Variants in CACNA2D3 observed in about 807,000 individuals in gnomAD.
CACNA2D3 encodes the protein calcium voltage-gated channel auxiliary subunit alpha2delta 3, also known as voltage-dependent calcium channel subunit alpha-2/delta-3.
In CACNA2D3, 60 loss-of-function variants were observed where a neutral mutation model predicts 160.6. The ratio of observed to expected loss-of-function variants is 0.37; its 90% CI spans 0.30 to 0.46. The LOEUF is 0.46. Among genes scored for constraint, CACNA2D3 ranks in the 20% least tolerant of loss-of-function variants. The pLI is 1.00. For missense variants in CACNA2D3, 1,205 were observed against 1,365.0 expected, an observed-to-expected ratio of 0.88 and a Z score of 1.85; for synonymous variants, 558 against 492.9, an observed-to-expected ratio of 1.13 and a Z score of -1.75.
intron 11 of CACNA2D3, among the ~76,000 whole-genome samples, chr3:54,687,475 T>A (rs1700488845): frequency 6.6e-6 from 1 of 151,922 alleles, no homozygotes. Context: ...TTGGGACAAA[T>A]TTTTCTAAGT....
At chr3:54,416,393 C>A (rs1476278548) in intron 4 of CACNA2D3, among the ~76,000 whole-genome samples, 1 of 151,986 alleles carries the variant, frequency 6.6e-6, no homozygotes, top group Non-Finnish European at 1.5e-5. Flanking sequence ...TCTCCTCCAG[C>A]AAAATATAAG....
chr3:54,814,083 G>A (rs142358205), intron 13 of CACNA2D3, among the ~76,000 whole-genome samples: 3,752 of 151,798 alleles, frequency 0.025, 76 homozygotes, highest in Non-Finnish European at 0.041. Context: ...TGCCCAGGCT[G>A]GTCTCAAACT....
At chr3:54,626,566 T>C in intron 9 of CACNA2D3, 1 of 1,583,176 alleles carries the variant, frequency 6.3e-7, no homozygotes, top group Admixed American at 1.7e-5. Flanking sequence ...CCTGGGCGAG[T>C]TCTCCATCAC....
intron 11 of CACNA2D3, among the ~76,000 whole-genome samples, chr3:54,748,367 TAATCGGTTTTTTGAAAAAATCTG>T (rs2107060033): frequency 6.6e-6 from 1 of 152,334 alleles, no homozygotes; most frequent in Non-Finnish European, 1.5e-5. Context: ...GTAAAAAGCA[TAATCGGTTTTTTGAAAAAATCTG>T]GATGAGTTTT....
At chr3:54,708,242 A>C (rs564298099) in intron 11 of CACNA2D3, among the ~76,000 whole-genome samples, 2 of 152,346 alleles carry the variant, frequency 1.3e-5, no homozygotes, top group South Asian at 4.1e-4. Flanking sequence ...ATCTCTGAGA[A>C]TGAGAAGTAG....
intron 13 of CACNA2D3, among the ~76,000 whole-genome samples, chr3:54,804,325 GAC>G (rs1559587958): frequency 1.2e-4 from 18 of 151,910 alleles, no homozygotes. Context: ...CACATGCAGA[GAC>G]ACACATAGGC....
intron 27 of CACNA2D3, among the ~76,000 whole-genome samples, chr3:54,963,799 T>C (rs1356052716): frequency 6.6e-6 from 1 of 152,100 alleles, no homozygotes; most frequent in Non-Finnish European, 1.5e-5. Flanking sequence ...TCAATACACC[T>C]ATCACCCAGC....
chr3:54,608,201 G>A (rs56247223), intron 9 of CACNA2D3, among the ~76,000 whole-genome samples: 37,127 of 152,106 alleles, frequency 0.24, 4,871 homozygotes, highest in African/African-American at 0.31. Context: ...GGTTAACAGT[G>A]TTATACCACT....
intron 11 of CACNA2D3, among the ~76,000 whole-genome samples, chr3:54,664,028 T>C (rs1195040589): frequency 6.6e-6 from 1 of 152,224 alleles, no homozygotes; most frequent in Non-Finnish European, 1.5e-5. Context: ...CCAGAGTCCC[T>C]CAAAGCAAGT....
intron 11 of CACNA2D3, among the ~76,000 whole-genome samples, chr3:54,677,451 A>C (rs1433127512): frequency 6.6e-6 from 1 of 152,198 alleles, no homozygotes. Flanking sequence ...TAAAAAGAAC[A>C]GGCCTCTATT....
chr3:54,560,213 G>T (rs368344167), intron 5 of CACNA2D3, among the ~76,000 whole-genome samples: 9 of 152,204 alleles, frequency 5.9e-5, no homozygotes, highest in African/African-American at 2.2e-4. Context: ...CAGTGTAAAA[G>T]TGTTCCTTTT....
chr3:54,591,503 A>C (rs2106756162), intron 9 of CACNA2D3, among the ~76,000 whole-genome samples: 1 of 151,924 alleles, frequency 6.6e-6, no homozygotes, highest in African/African-American at 2.4e-5. Context: ...GTTCCATAGA[A>C]GCATGAATGA....
At chr3:54,734,364 CA>C (rs1480545078) in intron 11 of CACNA2D3, among the ~76,000 whole-genome samples, 6 of 152,192 alleles carry the variant, frequency 3.9e-5, no homozygotes, top group Non-Finnish European at 8.8e-5. Flanking sequence ...GGGCCTCACA[CA>C]AGGGTAGAGC....
intron 4 of CACNA2D3, among the ~76,000 whole-genome samples, chr3:54,435,767 A>G (rs972220514): frequency 9.9e-5 from 15 of 152,258 alleles, no homozygotes; most frequent in Admixed American, 7.2e-4. Context: ...AATGAATCAG[A>G]TGTTGGAATT....
At chr3:54,495,333 A>G (rs1021556066) in intron 4 of CACNA2D3, among the ~76,000 whole-genome samples, 34 of 152,214 alleles carry the variant, frequency 2.2e-4, no homozygotes, top group Non-Finnish European at 4.4e-4. Context: ...AAAGGTCTTT[A>G]GTGACTTTAA....
intron 3 of CACNA2D3, among the ~76,000 whole-genome samples, chr3:54,368,693 CTTTTTTTTTT>C (rs33976949): frequency 8.4e-5 from 6 of 71,504 alleles, no homozygotes; most frequent in South Asian, 7.0e-4. Context: ...GGGTAGGGTT[CTTTTTTTTTT>C]TTTTTTTTTT....
chr3:55,074,374 G>A lies in CACNA2D3; in HGVS notation c.*168G>A, dbSNP rs980678455. The A allele has an allele frequency of 1.0e-5, 6 of 595,140 alleles. No homozygotes were observed. The highest frequency in any genetic ancestry group is 1.8e-5 in the Non-Finnish European group (6 of 335,686). 36.9% of individuals were successfully genotyped at this position (595,140 alleles called of 1,614,324 possible). A position where few individuals can be genotyped will look rare whatever the true frequency, so the allele number is the denominator to read the frequency against. On this transcript the variant is annotated 3_prime_UTR_variant, in exon 38 of 38. Coordinates refer to ENST00000474759, the MANE Select transcript of CACNA2D3 (RefSeq NM_018398.3). ...GCGTGATATAAACTCTTAAAGATAT[G>A]TTGACAAAAAGTTATCTATCATCTT...
chr3:54,634,736 A>C (rs1428495735), intron 10 of CACNA2D3, among the ~76,000 whole-genome samples: 1 of 152,166 alleles, frequency 6.6e-6, no homozygotes, highest in Admixed American at 6.5e-5. Flanking sequence ...AGCCAGGAAA[A>C]GGACTTTCAC....
At chr3:54,967,151 A>C (rs774547728) in intron 27 of CACNA2D3, 4 of 152,240 alleles carry the variant, frequency 2.6e-5, no homozygotes, top group Admixed American at 6.5e-5. Context: ...CGGAAATTCT[A>C]AGTGCAAACA....
Sources: allele counts gnomAD v4.1 joint callset (sites outside exome capture counted in the v4.1 genomes callset), GRCh38; gene constraint gnomAD v4.1.1; transcripts MANE v1.5; gene names NCBI Gene and HGNC (gene_info 2026-07-23, HGNC 2026-07-21).